SULT1C4: variants seen among roughly 807,000 people sequenced by gnomAD.
SULT1C4 encodes sulfotransferase 1C4.
Under a neutral mutation model 34.8 loss-of-function variants are expected in SULT1C4, and 32 were observed. The observed-to-expected ratio is 0.92, with a 90% CI of 0.69 to 1.23. The LOEUF (loss-of-function observed/expected upper bound fraction) is 1.23. Ranked by LOEUF, SULT1C4 falls within the 50% of genes most tolerant of loss-of-function variation. The probability of loss-of-function intolerance (pLI) is 0.00; values close to 1 mark genes in which losing one functional copy is unlikely to be tolerated. For synonymous variants in SULT1C4, 111 were observed against 120.5 expected, an observed-to-expected ratio of 0.92 and a Z score of 0.51; for missense variants, 375 against 365.9, an observed-to-expected ratio of 1.02 and a Z score of -0.20.
At chr2:108,382,629 C>T (rs573841797) in intron 3 of SULT1C4, 147 bp downstream of exon 3, 56 of 674,378 alleles carry the variant, frequency 8.3e-5, no homozygotes, top group Middle Eastern at 3.4e-4. Context: ...CCTAGCCAGG[C>T]ACGTTGGCTC....
intron 2 of SULT1C4, 88 bp from the exon 3 acceptor site, chr2:108,382,297 T>C (rs2104343316): frequency 7.1e-6 from 7 of 992,142 alleles, no homozygotes; most frequent in Admixed American, 1.8e-5. Flanking sequence ...ATGCTTTGAA[T>C]TGTAGTAGTA....
At chr2:108,380,402 C>G (rs964807452) in intron 1 of SULT1C4, among the ~76,000 whole-genome samples, 28 of 152,084 alleles carry the variant, frequency 1.8e-4, no homozygotes, top group Non-Finnish European at 2.4e-4. Flanking sequence ...ACAGTCCTAG[C>G]TATTTGGGAG....
intron 5 of SULT1C4, 97 bp downstream of exon 5, chr2:108,383,607 C>T: frequency 9.5e-7 from 1 of 1,054,708 alleles, no homozygotes; most frequent in Non-Finnish European, 1.4e-6. Context: ...ATGCGGGGAA[C>T]CGAAAATTGC....
intron 1 of SULT1C4, among the ~76,000 whole-genome samples, chr2:108,379,989 T>G (rs2104340088): frequency 6.6e-6 from 1 of 152,376 alleles, no homozygotes; most frequent in African/African-American, 2.4e-5. Flanking sequence ...ATGGCTGGAC[T>G]ATTCTTTGCA....
At position 108,386,260 on chromosome 2, in the gene SULT1C4, T is replaced by A. The variant is rs1462019630; in HGVS notation, c.684T>A (p.Asp228Glu). 8 of 1,575,956 alleles carry A rather than the reference T, an allele frequency of 5.1e-6. No homozygotes were observed. The highest frequency in any genetic ancestry group is 6.9e-6 in the Non-Finnish European group (8 of 1,160,866). ...AGAAATTAGATGACAAAGTTCTAGA[T>A]AAAATTGTCCATTACACTTCGTTTG... is the stretch of plus-strand genomic sequence containing the variant. ...IGKKLDDKVL[D>E]KIVHYTSFDV... The change falls in exon 6 of 7, where the codon GAT (aspartate) becomes GAA (glutamate). Residue 228 changes from aspartate (D) to glutamate (E), a missense_variant. Transcript: ENST00000272452.
chr2:108,378,257 T>A lies in SULT1C4; in HGVS notation c.-81T>A. On this transcript the variant is annotated 5_prime_UTR_variant, in exon 1 of 7. Coordinates refer to ENST00000272452, the MANE Select transcript of SULT1C4 (RefSeq NM_006588.4). Reference sequence around the variant, plus strand: ...TAGTGTGGTAGTGTGGTGGATAGAGTGCTGCCTCTATCCACAACGCAGCCA... The same window carrying A: ...TAGTGTGGTAGTGTGGTGGATAGAGAGCTGCCTCTATCCACAACGCAGCCA... The A allele has an allele frequency of 7.5e-7, 1 of 1,333,766 alleles. No individual in the cohort carries two copies. The highest frequency in any genetic ancestry group is 1.5e-5 in the African/African-American group (1 of 67,794). The allele number at this position is 1,333,766 out of a possible 1,614,324, so 82.6% of individuals were successfully genotyped here. A position where few individuals can be genotyped will look rare whatever the true frequency, so the allele number is the denominator to read the frequency against.
At position 108,381,902 on chromosome 2, in the gene SULT1C4, C is replaced by A; in HGVS notation, c.295+15C>A. ...CTTAGGATCTGGTGAGTATAAATAG[C>A]CACACTTCACTACAGTCCTAAAATG... is the stretch of plus-strand genomic sequence containing the variant. On this transcript the variant is annotated intron_variant, in intron 2 of 6. Coordinates refer to ENST00000272452, the MANE Select transcript of SULT1C4 (RefSeq NM_006588.4). 6.8e-7 allele frequency: 1 copy of A among 1,474,700 alleles called. No individual in the cohort carries two copies. The highest frequency in any genetic ancestry group is 9.0e-7 in the Non-Finnish European group (1 of 1,115,928). 91.4% of individuals were successfully genotyped at this position (1,474,700 alleles called of 1,614,324 possible).
chr2:108,381,911 A>G, intron 2 of SULT1C4, 24 bp downstream of exon 2: 1 of 1,459,246 alleles, frequency 6.9e-7, no homozygotes, highest in Non-Finnish European at 9.0e-7. Context: ...GCCACACTTC[A>G]CTACAGTCCT....
chr2:108,380,320 C>T (rs1678351970), intron 1 of SULT1C4, among the ~76,000 whole-genome samples: 1 of 151,998 alleles, frequency 6.6e-6, no homozygotes, highest in Admixed American at 6.6e-5. Flanking sequence ...TTGAGACCAG[C>T]CTGGGCAACA....
chr2:108,384,237 A>AT (rs1316579040), intron 5 of SULT1C4, among the ~76,000 whole-genome samples: 3 of 147,896 alleles, frequency 2.0e-5, no homozygotes, highest in South Asian at 2.1e-4. Context: ...TATTTATTTT[A>AT]TTTATTTTTT....
At chr2:108,380,752 C>T (rs1412442095) in intron 1 of SULT1C4, among the ~76,000 whole-genome samples, 1 of 152,162 alleles carries the variant, frequency 6.6e-6, no homozygotes, top group African/African-American at 2.4e-5. Context: ...GGCCATGGAA[C>T]GTGGAATGGT....
chr2:108,386,470 C>G (rs2104349192), intron 6 of SULT1C4, 98 bp downstream of exon 6: 1 of 940,730 alleles, frequency 1.1e-6, no homozygotes, highest in South Asian at 4.5e-5. Context: ...AAAATAATAT[C>G]TGTAATAAAT....
At chr2:108,382,961 A>G in intron 3 of SULT1C4, 132 bp from the exon 4 acceptor site, 2 of 651,338 alleles carry the variant, frequency 3.1e-6, no homozygotes, top group Non-Finnish European at 4.5e-6. Context: ...ACAAGAATGC[A>G]GCCTCAGAAA....
At chr2:108,382,653 C>A in intron 3 of SULT1C4, 171 bp downstream of exon 3, 1 of 600,858 alleles carries the variant, frequency 1.7e-6, no homozygotes, top group East Asian at 3.0e-5. Flanking sequence ...CCTGTAATCA[C>A]AGCATTTTGG....
chr2:108,381,677 T>C, intron 1 of SULT1C4, 85 bp from the exon 2 acceptor site: 5 of 1,284,114 alleles, frequency 3.9e-6, no homozygotes, highest in Non-Finnish European at 4.0e-6. Context: ...ACAAAAGACA[T>C]AGATGTTCTA....
rs41356548 is a variant in SULT1C4 at position 108,381,567 on chromosome 2, G to A, written c.170-195G>A. ...CTCAGGAGGCTGAGGCGAGAGGATC[G>A]CTTGAACCCAGGAGGCAGTGAGCCA... On this transcript the variant is annotated intron_variant, in intron 1 of 6. Transcript: ENST00000272452. Among the ~76,000 whole-genome samples the A allele has an allele frequency of 3.7e-4, 56 of 152,048 alleles. No homozygotes were observed. In the East Asian group the frequency reaches 8.9e-3, roughly 24 times the overall value.
rs1395145336 is a variant in SULT1C4 at position 108,382,856 on chromosome 2, T to C, written c.394-237T>C. The C allele has an allele frequency of 1.5e-5, 5 of 339,322 alleles. No homozygotes were observed. In the East Asian group the frequency reaches 2.9e-4, roughly 19 times the overall value. The allele number at this position is 339,322 out of a possible 1,614,324, so 21.0% of individuals were successfully genotyped here. On this transcript the variant is annotated intron_variant, in intron 3 of 6. Coordinates refer to ENST00000272452, the MANE Select transcript of SULT1C4 (RefSeq NM_006588.4). ...AGGCAGAGGTTGCAGTGAGCCAAGA[T>C]AGTGCCATTGCACTCCAGCCTGGGT... is the stretch of plus-strand genomic sequence containing the variant.
chr2:108,387,710 CAT>C lies in SULT1C4; in HGVS notation c.*279_*280del. 3.1e-6 allele frequency: 1 copy of C among 319,254 alleles called. No individual in the cohort carries two copies. The highest frequency in any genetic ancestry group is 5.7e-6 in the Non-Finnish European group (1 of 175,378). The allele number at this position is 319,254 out of a possible 1,614,324, so 19.8% of individuals were successfully genotyped here. On this transcript the variant is annotated 3_prime_UTR_variant, in exon 7 of 7. Coordinates refer to ENST00000272452, the MANE Select transcript of SULT1C4 (RefSeq NM_006588.4). The stretch of plus-strand genomic sequence containing the variant: ...TCATCATATTTACATTTTCTACAAT[CAT>C]GTGCTTATTAACATATTGGAAATGC...
rs750899941 is a variant in SULT1C4, at chr2:108,386,377, TTA to T, written c.796+8_796+9del. The T allele has an allele frequency of 1.0e-4, 144 of 1,437,612 alleles. No individual in the cohort carries two copies. Among genetic ancestry groups the T allele is most frequent in the Non-Finnish European group, 1.3e-4 (138 of 1,087,666 alleles). 89.1% of individuals were successfully genotyped at this position (1,437,612 alleles called of 1,614,324 possible). A position where few individuals can be genotyped will look rare whatever the true frequency, so the allele number is the denominator to read the frequency against. Reference sequence around the variant, plus strand: ...TTTCTCCATTCATGAGAAAAGGTTTTTATAGTTTATTTTCATTATAATCTTAA... The same window carrying T: ...TTTCTCCATTCATGAGAAAAGGTTTTTAGTTTATTTTCATTATAATCTTAA... On this transcript the variant is annotated splice_donor_region_variant and intron_variant, in intron 6 of 6. Transcript: ENST00000272452.
Sources: allele counts gnomAD v4.1 joint callset (sites outside exome capture counted in the v4.1 genomes callset), GRCh38; gene constraint gnomAD v4.1.1; transcripts MANE v1.5; gene names NCBI Gene and HGNC (gene_info 2026-07-23, HGNC 2026-07-21).